KCNIP2: variants seen among roughly 807,000 people sequenced by gnomAD.
KCNIP2 encodes A-type potassium channel modulatory protein KCNIP2.
A neutral mutation model predicts 39.0 loss-of-function variants in KCNIP2; 19 were observed. The ratio of observed to expected loss-of-function variants is 0.49; its 90% CI spans 0.34 to 0.71. KCNIP2 has a LOEUF of 0.71. Ranked by LOEUF, KCNIP2 falls within the 30% of genes least tolerant of loss-of-function variation. The probability of loss-of-function intolerance (pLI) is 0.01; values close to 1 mark genes in which losing one functional copy is unlikely to be tolerated. For synonymous variants in KCNIP2, 111 were observed against 131.2 expected, an observed-to-expected ratio of 0.85 and a Z score of 1.05; for missense variants, 261 against 346.0, an observed-to-expected ratio of 0.75 and a Z score of 1.95.
At chr10:101,829,804 C>A in intron 3 of KCNIP2, 40 bp downstream of exon 3, 8 of 1,116,796 alleles carry the variant, frequency 7.2e-6, no homozygotes, top group Non-Finnish European at 9.1e-6. Flanking sequence ...ATGGCAAAGC[C>A]GCCCTGCCCC....
intron 3 of KCNIP2, chr10:101,829,450 CGGCCCTCGATCCCTCGTTGGAG>C (rs1211998650): frequency 2.4e-5 from 12 of 508,542 alleles, no homozygotes; most frequent in Middle Eastern, 5.1e-4. Context: ...GCTCGCCCCG[CGGCCCTCGATCCCTCGTTGGAG>C]GGGAAGGCCC....
At chr10:101,842,592 C>G (rs751807916) in intron 1 of KCNIP2, among the ~76,000 whole-genome samples, 1 of 152,212 alleles carries the variant, frequency 6.6e-6, no homozygotes, top group Non-Finnish European at 1.5e-5. Flanking sequence ...CCAGCACTAA[C>G]TAAAGCCTCC....
Position 101,828,083 on chromosome 10 carries a change from C to T in KCNIP2, c.597+68G>A, listed in dbSNP as rs2065807149. On this transcript the variant is annotated intron_variant, in intron 7 of 9. Transcript: ENST00000356640. This position sits in a 1 kb window ranked among gnomAD's most constrained non-coding sequence, Gnocchi z 6.6. Reference sequence around the variant, plus strand: ...GTGGGCATATGTGGGTCATATTTCCCTCCCATCACCCTCTGCACGCCACCC... The same window carrying T: ...GTGGGCATATGTGGGTCATATTTCCTTCCCATCACCCTCTGCACGCCACCC... 1.3e-6 allele frequency: 2 copies of T among 1,549,036 alleles called. No individual in the cohort carries two copies. The highest frequency in any genetic ancestry group is 1.7e-5 in the Admixed American group (1 of 59,870).
intron 1 of KCNIP2, among the ~76,000 whole-genome samples, chr10:101,840,507 T>C (rs1299788601): frequency 6.8e-6 from 1 of 147,420 alleles, no homozygotes; most frequent in Non-Finnish European, 1.5e-5. Context: ...ACTACCACCA[T>C]ACGCTGGCTA....
At chr10:101,839,859 G>A (rs1362931461) in intron 1 of KCNIP2, 3 of 1,583,996 alleles carry the variant, frequency 1.9e-6, no homozygotes, top group East Asian at 2.4e-5. Context: ...GGCGAGCTCG[G>A]CGTCTAAGCT....
At chr10:101,837,553 C>A (rs960846889) in intron 1 of KCNIP2, among the ~76,000 whole-genome samples, 3 of 152,132 alleles carry the variant, frequency 2.0e-5, no homozygotes, top group Non-Finnish European at 2.9e-5. Flanking sequence ...CCTGTAATCC[C>A]AGCTACTCAG....
intron 1 of KCNIP2, among the ~76,000 whole-genome samples, chr10:101,841,665 A>C (rs2066343565): frequency 6.6e-6 from 1 of 152,234 alleles, no homozygotes. Flanking sequence ...AGGTGAGGCC[A>C]AGAGAACAAA....
chr10:101,833,789 C>T (rs1371816383), intron 1 of KCNIP2, among the ~76,000 whole-genome samples: 1 of 152,112 alleles, frequency 6.6e-6, no homozygotes, highest in African/African-American at 2.4e-5. Context: ...TGCCCACACA[C>T]CCCATAAGCT....
At chr10:101,829,294 C>G in intron 3 of KCNIP2, 95 bp from the exon 4 acceptor site, 1 of 1,425,662 alleles carries the variant, frequency 7.0e-7, no homozygotes, top group Non-Finnish European at 9.3e-7. Context: ...GCCCCCCGGT[C>G]CCATCCGATG....
At position 101,843,459 on chromosome 10, in the gene KCNIP2, C is replaced by T. The variant is rs765139140; in HGVS notation, c.73+37G>A. 1 of 1,396,788 alleles carries T rather than the reference C, an allele frequency of 7.2e-7. No individual in the cohort carries two copies. Among genetic ancestry groups the T allele is most frequent in the Non-Finnish European group, 9.7e-7 (1 of 1,029,908 alleles). 86.5% of individuals were successfully genotyped at this position (1,396,788 alleles called of 1,614,324 possible). A position where few individuals can be genotyped will look rare whatever the true frequency, so the allele number is the denominator to read the frequency against. ...CGGAAGGGTCTGGAGGAATGGAATC[C>T]ACCCTCCCTCCCGCGACCCCCACGT... is the stretch of plus-strand genomic sequence containing the variant. On this transcript the variant is annotated intron_variant, in intron 1 of 9. Coordinates refer to ENST00000356640, the MANE Select transcript of KCNIP2 (RefSeq NM_173191.3). The surrounding 1 kb of genome is among the most constrained non-coding windows in gnomAD (Gnocchi z 6.7).
rs1009223514 is a variant in KCNIP2, at chr10:101,843,082, A to G, written c.73+414T>C. Reference sequence around the variant, plus strand: ...CAACCAGGGTCCTACGCAAACTCAAACATCTGACGAGACCATACAATTGCA... The same window carrying G: ...CAACCAGGGTCCTACGCAAACTCAAGCATCTGACGAGACCATACAATTGCA... On this transcript the variant is annotated intron_variant, in intron 1 of 9. Coordinates refer to ENST00000356640, the MANE Select transcript of KCNIP2 (RefSeq NM_173191.3). This position sits in a 1 kb window ranked among gnomAD's most constrained non-coding sequence, Gnocchi z 6.7. 1.3e-5 allele frequency among the ~76,000 whole-genome samples: 2 copies of G among 152,190 alleles called. No homozygotes were observed. The highest frequency in any genetic ancestry group is 2.9e-5 in the Non-Finnish European group (2 of 68,022).
Position 101,831,063 on chromosome 10 carries a change from G to A in KCNIP2, c.169+9C>T, listed in dbSNP as rs774512091. 6.2e-7 allele frequency: 1 copy of A among 1,611,792 alleles called. No individual in the cohort carries two copies. The highest frequency in any genetic ancestry group is 1.1e-5 in the South Asian group (1 of 90,974). On this transcript the variant is annotated intron_variant, in intron 2 of 9. Coordinates refer to ENST00000356640, the MANE Select transcript of KCNIP2 (RefSeq NM_173191.3). Reference sequence around the variant, plus strand: ...GCCCCGCCCCCGGAAGCACATGAGAGGCACTTGCTTTCACTGACTGAGGGC... The same window carrying A: ...GCCCCGCCCCCGGAAGCACATGAGAAGCACTTGCTTTCACTGACTGAGGGC...
chr10:101,827,439 GAA>G (rs2065778481), intron 9 of KCNIP2, 39 bp from the exon 10 acceptor site: 3 of 1,580,852 alleles, frequency 1.9e-6, no homozygotes, highest in South Asian at 1.1e-5. Context: ...TGAAGAGAGA[GAA>G]AGAGAAGGAG....
intron 1 of KCNIP2, among the ~76,000 whole-genome samples, chr10:101,831,769 A>C (rs138013821): frequency 3.9e-5 from 6 of 152,330 alleles, no homozygotes; most frequent in African/African-American, 1.4e-4. Context: ...AGCATGATCA[A>C]ACCACACAAG....
intron 2 of KCNIP2, among the ~76,000 whole-genome samples, chr10:101,830,714 CGCAG>C (rs1242311824): frequency 1.3e-5 from 2 of 151,090 alleles, no homozygotes; most frequent in Non-Finnish European, 3.0e-5. Flanking sequence ...CACACACGCA[CGCAG>C]GCCTGGGGCA....
Position 101,828,252 on chromosome 10 carries a change from C to T in KCNIP2, c.496G>A (p.Val166Met). 6.2e-7 allele frequency: 1 copy of T among 1,614,158 alleles called. No individual in the cohort carries two copies. Among genetic ancestry groups the T allele is most frequent in the South Asian group, 1.1e-5 (1 of 91,082 alleles). Residue 166 changes from valine (V) to methionine (M), a missense_variant, in exon 7 of 10, where the codon GTG (valine) becomes ATG (methionine). Physicochemically the swap from Val to Met is conservative, Grantham distance 21. Transcript: ENST00000356640. The surrounding 1 kb of genome is among the most constrained non-coding windows in gnomAD (Gnocchi z 6.6). The stretch of plus-strand genomic sequence containing the variant: ...CGAAGAATCACGGACAAACCAGCCA[C>T]AAAGTCCTGGGAAGGAGGCAGGAGG... ...HDGSVSFEDF[V>M]AGLSVILRGT... is the part of the protein sequence containing the mutation.
intron 1 of KCNIP2, among the ~76,000 whole-genome samples, chr10:101,841,501 T>C (rs1420839254): frequency 6.6e-6 from 1 of 152,214 alleles, no homozygotes; most frequent in Non-Finnish European, 1.5e-5. Flanking sequence ...GGTAGTCCTA[T>C]TTCTACTTTC....
At chr10:101,839,896 G>T in intron 1 of KCNIP2, 1 of 1,510,854 alleles carries the variant, frequency 6.6e-7, no homozygotes, top group East Asian at 2.5e-5. Context: ...GGGCGGTCCG[G>T]TCTCCGCCCT....
rs992938314 is a variant in KCNIP2, at chr10:101,826,094, C to G, written c.*1259G>C. 1 of 152,594 alleles carries G rather than the reference C, an allele frequency of 6.6e-6. No homozygotes were observed. The highest frequency in any genetic ancestry group is 6.5e-5 in the Admixed American group (1 of 15,278). The allele number at this position is 152,594 out of a possible 1,614,324, so 9.5% of individuals were successfully genotyped here. A position where few individuals can be genotyped will look rare whatever the true frequency, so the allele number is the denominator to read the frequency against. On this transcript the variant is annotated 3_prime_UTR_variant, in exon 10 of 10. Transcript: ENST00000356640. ...TGGGGAAGGGGGCTCTCTGGGGGCTCTCCCCTCAGATTCTGGCCAACTGGG... is the reference window on the plus strand; with the variant it reads ...TGGGGAAGGGGGCTCTCTGGGGGCTGTCCCCTCAGATTCTGGCCAACTGGG...
Sources: allele counts gnomAD v4.1 joint callset (sites outside exome capture counted in the v4.1 genomes callset), GRCh38; gene constraint gnomAD v4.1.1; non-coding constraint Gnocchi (gnomAD v3.1); transcripts MANE v1.5; gene names NCBI Gene and HGNC (gene_info 2026-07-23, HGNC 2026-07-21).